The following GNG2 variants were observed in gnomAD, a reference collection of about 807,000 sequenced individuals.
GNG2 encodes G protein subunit gamma 2, also known as guanine nucleotide-binding protein G(I)/G(S)/G(O) subunit gamma-2.
In GNG2, 5 loss-of-function variants were observed where a neutral mutation model predicts 5.5. That is an observed-to-expected ratio of 0.91 (90% CI 0.48 to 1.92). GNG2 has a LOEUF of 1.92. Ranked by LOEUF, GNG2 falls within the 30% of genes most tolerant of loss-of-function variation. The pLI, the probability that GNG2 is intolerant of heterozygous loss-of-function variation, is 0.01. For synonymous variants in GNG2, 28 were observed against 32.0 expected, an observed-to-expected ratio of 0.88 and a Z score of 0.42; for missense variants, 55 against 88.4, an observed-to-expected ratio of 0.62 and a Z score of 1.52.
chr14:51,927,312 G>A (rs1355816436), intron 2 of GNG2, among the ~76,000 whole-genome samples: 1 of 152,098 alleles, frequency 6.6e-6, no homozygotes, highest in African/African-American at 2.4e-5. Context: ...TCTGATTCCC[G>A]TTTATCTTCA....
intron 2 of GNG2, among the ~76,000 whole-genome samples, chr14:51,936,382 A>G (rs1342170342): frequency 1.3e-5 from 2 of 152,100 alleles, no homozygotes; most frequent in Non-Finnish European, 2.9e-5. Flanking sequence ...TGTTCATTCT[A>G]TGAGGGTACG....
intron 2 of GNG2, among the ~76,000 whole-genome samples, chr14:51,908,942 C>T (rs1886125782): frequency 6.6e-6 from 1 of 151,866 alleles, no homozygotes; most frequent in Admixed American, 6.6e-5. Flanking sequence ...AAGTAAAATA[C>T]ACTTATAAAG....
chr14:51,956,439 T>G (rs777892353), intron 3 of GNG2, among the ~76,000 whole-genome samples: 25 of 152,116 alleles, frequency 1.6e-4, no homozygotes, highest in Admixed American at 3.9e-4. Context: ...AGAATTGAAT[T>G]AAATTGTAGG....
At chr14:51,891,453 G>A (rs772440352) in intron 2 of GNG2, among the ~76,000 whole-genome samples, 29 of 152,088 alleles carry the variant, frequency 1.9e-4, no homozygotes, top group Non-Finnish European at 3.2e-4. Context: ...ATGAATACAT[G>A]TGCATACATA....
chr14:51,884,596 T>C (rs1024206185), intron 2 of GNG2, among the ~76,000 whole-genome samples: 104 of 152,292 alleles, frequency 6.8e-4, no homozygotes, highest in African/African-American at 2.3e-3. Flanking sequence ...CAGTTACACC[T>C]CTGTGGCTCC....
intron 2 of GNG2, among the ~76,000 whole-genome samples, chr14:51,907,454 T>C (rs1188921699): frequency 6.6e-6 from 1 of 152,220 alleles, no homozygotes; most frequent in Admixed American, 6.5e-5. Flanking sequence ...GAGAATTCAT[T>C]TCCCTCTCTG....
rs530998729 is a variant in GNG2 at position 51,863,451 on chromosome 14, A to G, written c.-71+2661A>G. Among the ~76,000 whole-genome samples the G allele has an allele frequency of 5.3e-5, 8 of 152,352 alleles. No homozygotes were observed. In the Middle Eastern group the frequency reaches 0.01, roughly 194 times the overall value. On this transcript the variant is annotated intron_variant, in intron 1 of 3. Coordinates refer to ENST00000556766, the MANE Select transcript of GNG2 (RefSeq NM_053064.5). ...TGTTATTTTTTTCTTCCTTGGTGGC[A>G]TAAGGAAAAGTTAGCATATTCTTGG...
At chr14:51,900,514 AT>A (rs1441157950) in intron 2 of GNG2, among the ~76,000 whole-genome samples, 1 of 150,542 alleles carries the variant, frequency 6.6e-6, no homozygotes, top group Non-Finnish European at 1.5e-5. Flanking sequence ...CTTTGGGGTT[AT>A]TTTTTCATTC....
At chr14:51,879,104 C>T (rs1883872420) in intron 2 of GNG2, among the ~76,000 whole-genome samples, 1 of 152,214 alleles carries the variant, frequency 6.6e-6, no homozygotes, top group African/African-American at 2.4e-5. Context: ...TTGTGAACTA[C>T]CGTGTCTTTG....
chr14:51,930,517 C>T (rs1292765339), intron 2 of GNG2, among the ~76,000 whole-genome samples: 1 of 152,242 alleles, frequency 6.6e-6, no homozygotes, highest in Non-Finnish European at 1.5e-5. Context: ...GGTCACGTCA[C>T]CTGATCTCTC....
At chr14:51,956,343 T>G (rs550232216) in intron 3 of GNG2, among the ~76,000 whole-genome samples, 11 of 152,268 alleles carry the variant, frequency 7.2e-5, no homozygotes, top group African/African-American at 2.6e-4. Context: ...CTGCTTGCTA[T>G]TGGCATTTGA....
At chr14:51,944,738 T>G (rs1009501934) in intron 2 of GNG2, among the ~76,000 whole-genome samples, 1 of 152,206 alleles carries the variant, frequency 6.6e-6, no homozygotes, top group African/African-American at 2.4e-5. Context: ...GACATTGAAT[T>G]TGTATATAAC....
chr14:51,826,975 G>A (rs1881045889), intron 1 of GNG2, among the ~76,000 whole-genome samples: 1 of 152,188 alleles, frequency 6.6e-6, no homozygotes, highest in Non-Finnish European at 1.5e-5. Flanking sequence ...CAGATCCGAG[G>A]TTTCCTGGGG....
At chr14:51,924,207 G>A (rs937255097) in intron 2 of GNG2, among the ~76,000 whole-genome samples, 5 of 152,080 alleles carry the variant, frequency 3.3e-5, no homozygotes, top group African/African-American at 7.2e-5. Flanking sequence ...ACTTGAGCCC[G>A]GTTTCTTAAT....
At chr14:51,952,245 G>C (rs1889019421) in intron 3 of GNG2, 1 of 237,246 alleles carries the variant, frequency 4.2e-6, no homozygotes, top group African/African-American at 2.3e-5. Flanking sequence ...TTGATGCCTA[G>C]TAATGGACCA....
chr14:51,886,675 C>G (rs1046478515), intron 2 of GNG2, among the ~76,000 whole-genome samples: 1 of 152,142 alleles, frequency 6.6e-6, no homozygotes, highest in Admixed American at 6.6e-5. Flanking sequence ...CTTAGTGGAG[C>G]TGTGGCCTCC....
chr14:51,827,288 C>T lies in GNG2; in HGVS notation c.-76-380C>T, dbSNP rs1881054930. 2.6e-5 allele frequency among the ~76,000 whole-genome samples: 4 copies of T among 152,204 alleles called. No individual in the cohort carries two copies. In the South Asian group the frequency reaches 8.3e-4, roughly 31 times the overall value. ...ATTGGGCACATACACTAGAACAGTG[C>T]TTCTCGAAGTGTAGTCCTCAAACTG... On this transcript the variant is annotated intron_variant, in intron 1 of 3. Transcript: ENST00000553432.
intron 2 of GNG2, among the ~76,000 whole-genome samples, chr14:51,933,792 C>T (rs1218284248): frequency 6.6e-6 from 1 of 152,162 alleles, no homozygotes; most frequent in African/African-American, 2.4e-5. Flanking sequence ...TGGGCGTTCT[C>T]TTCTTGTTGC....
At chr14:51,827,822 A>G (rs1406161950) in intron 2 of GNG2, 8 of 679,044 alleles carry the variant, frequency 1.2e-5, no homozygotes, top group East Asian at 5.4e-5. Flanking sequence ...GCTTCAACAA[A>G]TGGTGATGGA....
Sources: allele counts gnomAD v4.1 joint callset (sites outside exome capture counted in the v4.1 genomes callset), GRCh38; gene constraint gnomAD v4.1.1; transcripts MANE v1.5; gene names NCBI Gene and HGNC (gene_info 2026-07-23, HGNC 2026-07-21).